Variants in FANCC observed in about 807,000 individuals in gnomAD.
FANCC encodes the protein Fanconi anemia group C protein.
Under a neutral mutation model 71.3 loss-of-function variants are expected in FANCC, and 55 were observed. That is an observed-to-expected ratio of 0.77 (90% CI 0.62 to 0.97). The LOEUF (loss-of-function observed/expected upper bound fraction) is 0.97. Ranked by LOEUF, FANCC falls within the 50% of genes least tolerant of loss-of-function variation. The pLI is 0.00. For missense variants in FANCC, 678 were observed against 670.9 expected (o/e 1.01, Z -0.12); for synonymous variants, 275 against 244.9 (o/e 1.12, Z -1.15).
At chr9:95,228,689 A>C (rs767525473) in intron 4 of FANCC, among the ~76,000 whole-genome samples, 1 of 152,196 alleles carries the variant, frequency 6.6e-6, no homozygotes, top group Non-Finnish European at 1.5e-5. Flanking sequence ...GGTCTAGCCC[A>C]GGATGATGAG....
At chr9:95,236,033 G>C (rs777630276) in intron 4 of FANCC, among the ~76,000 whole-genome samples, 3 of 151,696 alleles carry the variant, frequency 2.0e-5, no homozygotes, top group Non-Finnish European at 4.4e-5. Flanking sequence ...TTTTCTTTTT[G>C]AAAAAAGAAG....
At chr9:95,239,363 A>G (rs1389422527) in intron 4 of FANCC, among the ~76,000 whole-genome samples, 1 of 152,252 alleles carries the variant, frequency 6.6e-6, no homozygotes, top group African/African-American at 2.4e-5. Flanking sequence ...AGTATTAAAC[A>G]AGAAAAACAA....
intron 1 of FANCC, among the ~76,000 whole-genome samples, chr9:95,314,938 A>G (rs1835652306): frequency 6.6e-6 from 1 of 152,190 alleles, no homozygotes; most frequent in Admixed American, 6.5e-5. Flanking sequence ...GGTTTTCTGA[A>G]AAAAAATAAC....
chr9:95,154,379 C>T (rs1020868333), intron 6 of FANCC, among the ~76,000 whole-genome samples: 5 of 151,478 alleles, frequency 3.3e-5, no homozygotes, highest in African/African-American at 7.3e-5. Flanking sequence ...CTGGTAGCAA[C>T]GTGCTACCAT....
intron 1 of FANCC, among the ~76,000 whole-genome samples, chr9:95,274,063 T>C (rs907490793): frequency 2.6e-5 from 4 of 152,210 alleles, no homozygotes; most frequent in East Asian, 1.9e-4. Flanking sequence ...CTGAGATACA[T>C]GTGCAGAACG....
intron 12 of FANCC, 82 bp downstream of exon 12, chr9:95,114,547 T>TGTCA (rs1185434468): frequency 1.7e-4 from 205 of 1,231,104 alleles, no homozygotes; most frequent in Non-Finnish European, 2.3e-4. Flanking sequence ...TGCCTTCCTC[T>TGTCA]GTCAGCCCTG....
intron 3 of FANCC, among the ~76,000 whole-genome samples, chr9:95,244,817 A>C (rs939283588): frequency 6.6e-6 from 1 of 151,984 alleles, no homozygotes; most frequent in African/African-American, 2.4e-5. Flanking sequence ...ATGTGATCCA[A>C]TAGGGACAGA....
At chr9:95,158,113 C>T (rs1830548335) in intron 6 of FANCC, among the ~76,000 whole-genome samples, 1 of 152,080 alleles carries the variant, frequency 6.6e-6, no homozygotes, top group African/African-American at 2.4e-5. Flanking sequence ...ACTCTCCGGC[C>T]TACCTTTCAA....
chr9:95,301,995 T>C (rs534308603), intron 1 of FANCC, among the ~76,000 whole-genome samples: 245 of 138,876 alleles, frequency 1.8e-3, no homozygotes, highest in African/African-American at 6.2e-3. Flanking sequence ...GGCAGGAGAA[T>C]GGCAGGAACC....
chr9:95,202,988 G>A (rs73534875), intron 4 of FANCC, among the ~76,000 whole-genome samples: 1 of 152,156 alleles, frequency 6.6e-6, no homozygotes, highest in African/African-American at 2.4e-5. Context: ...ATGTCAAACT[G>A]CAAAGAAATA....
At chr9:95,203,770 A>AT (rs746970253) in intron 4 of FANCC, among the ~76,000 whole-genome samples, 3 of 152,124 alleles carry the variant, frequency 2.0e-5, no homozygotes, top group Non-Finnish European at 4.4e-5. Context: ...ACTGTTTTAC[A>AT]TTTTTTTGCA....
At chr9:95,185,934 A>C (rs1423473302) in intron 4 of FANCC, among the ~76,000 whole-genome samples, 1 of 152,254 alleles carries the variant, frequency 6.6e-6, no homozygotes, top group Non-Finnish European at 1.5e-5. Flanking sequence ...GTCAGAGAAG[A>C]AGCCAAGTCT....
chr9:95,230,437 T>C (rs980613794), intron 4 of FANCC, among the ~76,000 whole-genome samples: 1 of 152,128 alleles, frequency 6.6e-6, no homozygotes, highest in African/African-American at 2.4e-5. Context: ...TTTAACCTTA[T>C]TGTGTCCGGA....
chr9:95,103,891 G>C (rs2071244388), intron 14 of FANCC, among the ~76,000 whole-genome samples: 1 of 152,216 alleles, frequency 6.6e-6, no homozygotes, highest in African/African-American at 2.4e-5. Context: ...AGGGTGCAAG[G>C]GCTCTGAAGA....
intron 1 of FANCC, among the ~76,000 whole-genome samples, chr9:95,274,964 AT>A (rs779073368): frequency 2.0e-5 from 3 of 151,968 alleles, no homozygotes; most frequent in Non-Finnish European, 4.4e-5. Flanking sequence ...TCCTCAAGTA[AT>A]TTTTAAAAAT....
intron 1 of FANCC, among the ~76,000 whole-genome samples, chr9:95,282,115 G>A (rs1833413923): frequency 6.6e-6 from 1 of 151,512 alleles, no homozygotes; most frequent in African/African-American, 2.4e-5. Flanking sequence ...GTAGCTAAAT[G>A]GATTTAAAAA....
chr9:95,312,265 C>T (rs538974886), intron 1 of FANCC, among the ~76,000 whole-genome samples: 1 of 152,270 alleles, frequency 6.6e-6, no homozygotes, highest in Non-Finnish European at 1.5e-5. Flanking sequence ...TGAGGAAGTT[C>T]AGAGCAAAGG....
At chr9:95,271,172 C>T (rs1428131811) in intron 1 of FANCC, among the ~76,000 whole-genome samples, 2 of 152,190 alleles carry the variant, frequency 1.3e-5, no homozygotes, top group African/African-American at 2.4e-5. Context: ...CACCGCTGAA[C>T]ATCTACCAAG....
intron 6 of FANCC, among the ~76,000 whole-genome samples, chr9:95,168,689 C>T (rs918758683): frequency 6.6e-6 from 1 of 152,180 alleles, no homozygotes; most frequent in Non-Finnish European, 1.5e-5. Flanking sequence ...AGCCACCACG[C>T]CCAGCTAATT....
Sources: gnomAD v4.1 joint callset for allele counts (sites outside exome capture counted in the v4.1 genomes callset) on GRCh38, gnomAD v4.1.1 for gene constraint, MANE v1.5 for transcripts, NCBI Gene and HGNC (gene_info 2026-07-23, HGNC 2026-07-21) for gene names.